Variants in DAB1 observed in about 807,000 individuals in gnomAD.
DAB1 encodes disabled homolog 1.
A neutral mutation model predicts 64.6 loss-of-function variants in DAB1; 15 were observed. The observed-to-expected ratio is 0.23, with a 90% CI of 0.16 to 0.36. The LOEUF is 0.36. Among genes scored for constraint, DAB1 ranks in the 10% least tolerant of loss-of-function variants. The probability of loss-of-function intolerance (pLI) is 1.00; values close to 1 mark genes in which losing one functional copy is unlikely to be tolerated. For missense variants in DAB1, 596 were observed against 706.7 expected (o/e 0.84, Z 1.78); for synonymous variants, 235 against 251.9 (o/e 0.93, Z 0.64).
At chr1:57,325,296 G>T (rs1172683364) in intron 1 of DAB1, among the ~76,000 whole-genome samples, 1 of 152,222 alleles carries the variant, frequency 6.6e-6, no homozygotes, top group East Asian at 1.9e-4. Context: ...CTTAGCCCGA[G>T]TTAGCCTCAA....
At chr1:57,720,244 T>C (rs557544973) in intron 6 of DAB1, among the ~76,000 whole-genome samples, 1 of 152,260 alleles carries the variant, frequency 6.6e-6, no homozygotes, top group Non-Finnish European at 1.5e-5. Flanking sequence ...TCAGTCACAC[T>C]CTCCATCCAT....
At chr1:58,019,082 C>T (rs191864142) in intron 5 of DAB1, among the ~76,000 whole-genome samples, 196 of 152,254 alleles carry the variant, frequency 1.3e-3, no homozygotes, top group Admixed American at 2.4e-3. Flanking sequence ...CCTCAGTTTC[C>T]TCATTTATAA....
chr1:57,150,266 A>G (rs1386575068), intron 2 of DAB1, among the ~76,000 whole-genome samples: 2 of 152,356 alleles, frequency 1.3e-5, no homozygotes, highest in East Asian at 3.9e-4. Flanking sequence ...CTTAATCAAC[A>G]TTGGTCATTG....
At chr1:57,587,550 C>G (rs778024244) in intron 7 of DAB1, among the ~76,000 whole-genome samples, 24 of 152,090 alleles carry the variant, frequency 1.6e-4, no homozygotes, top group Admixed American at 2.6e-4. Context: ...TGGCTTAATT[C>G]TCTCACCCCC....
intron 5 of DAB1, among the ~76,000 whole-genome samples, chr1:57,918,260 A>C (rs1644758646): frequency 6.6e-6 from 1 of 152,162 alleles, no homozygotes; most frequent in African/African-American, 2.4e-5. Context: ...TTACTGTCTT[A>C]GTCCATTTTG....
chr1:58,542,718 A>G (rs975172159), intron 1 of DAB1, among the ~76,000 whole-genome samples: 4 of 152,232 alleles, frequency 2.6e-5, no homozygotes, highest in African/African-American at 4.8e-5. Flanking sequence ...ACTGTAGTAG[A>G]TAAGCTTCAG....
chr1:57,046,557 G>A (rs897947244), intron 9 of DAB1, among the ~76,000 whole-genome samples: 3 of 152,200 alleles, frequency 2.0e-5, no homozygotes, highest in Non-Finnish European at 2.9e-5. Context: ...GAGAATGAGT[G>A]CCAGCATCAA....
intron 2 of DAB1, among the ~76,000 whole-genome samples, chr1:57,240,222 A>G (rs972050831): frequency 6.6e-6 from 1 of 152,194 alleles, no homozygotes; most frequent in Admixed American, 6.5e-5. Context: ...GACAAAATAA[A>G]CATAAGGAAA....
chr1:57,770,252 T>C (rs1002690479), intron 6 of DAB1, among the ~76,000 whole-genome samples: 2 of 152,068 alleles, frequency 1.3e-5, no homozygotes, highest in African/African-American at 4.8e-5. Context: ...AATGAGATAA[T>C]AATAAAAAAG....
intron 6 of DAB1, among the ~76,000 whole-genome samples, chr1:57,750,554 G>A (rs541237472): frequency 5.9e-5 from 9 of 152,070 alleles, no homozygotes; most frequent in African/African-American, 2.2e-4. Context: ...ATGTTAAAAG[G>A]TCTATCCCAG....
At chr1:58,071,363 G>GGTGTGTGTGTGTGTGTGTGT (rs548977353) in intron 5 of DAB1, among the ~76,000 whole-genome samples, 17 of 135,790 alleles carry the variant, frequency 1.3e-4, no homozygotes, top group African/African-American at 2.8e-4. Context: ...AAAGGAGAAT[G>GGTGTGTGTGTGTGTGTGTGT]GTGTGTGTGT....
At chr1:57,592,408 C>A (rs1388865216) in intron 7 of DAB1, among the ~76,000 whole-genome samples, 2 of 151,904 alleles carry the variant, frequency 1.3e-5, no homozygotes, top group East Asian at 3.9e-4. Context: ...TGCAGGGTGC[C>A]CCCATTTGAA....
chr1:57,227,658 G>A (rs567837870), intron 2 of DAB1, among the ~76,000 whole-genome samples: 62 of 151,978 alleles, frequency 4.1e-4, no homozygotes, highest in Non-Finnish European at 7.5e-4. Flanking sequence ...CCAGGCTCAA[G>A]CGAGCCTTCC....
chr1:58,138,067 A>G (rs1570404667), intron 5 of DAB1, among the ~76,000 whole-genome samples: 1 of 152,168 alleles, frequency 6.6e-6, no homozygotes, highest in African/African-American at 2.4e-5. Context: ...ATAATGATGA[A>G]TGTTGGCAAA....
At chr1:57,922,784 T>C (rs953297648) in intron 5 of DAB1, among the ~76,000 whole-genome samples, 1 of 132,564 alleles carries the variant, frequency 7.5e-6, no homozygotes, top group African/African-American at 2.9e-5. Context: ...AGGCAGAGCT[T>C]GCAGTGAGCC....
intron 7 of DAB1, among the ~76,000 whole-genome samples, chr1:57,615,192 G>T (rs1369970594): frequency 6.6e-6 from 1 of 152,122 alleles, no homozygotes; most frequent in East Asian, 1.9e-4. Flanking sequence ...CTTAGTAAGA[G>T]AATATTCTTC....
chr1:57,682,902 A>G (rs1016674363), intron 6 of DAB1, among the ~76,000 whole-genome samples: 6 of 152,128 alleles, frequency 3.9e-5, no homozygotes, highest in African/African-American at 7.2e-5. Context: ...CCTCCTGCCT[A>G]CTAGCCCCTC....
chr1:57,514,235 A>G (rs1479875798), intron 7 of DAB1, among the ~76,000 whole-genome samples: 1 of 152,164 alleles, frequency 6.6e-6, no homozygotes, highest in East Asian at 1.9e-4. Context: ...TGGTAGTTCA[A>G]TTTGTAATCT....
intron 11 of DAB1, among the ~76,000 whole-genome samples, chr1:57,016,653 G>A (rs899849037): frequency 2.0e-5 from 3 of 151,488 alleles, no homozygotes; most frequent in African/African-American, 7.3e-5. Flanking sequence ...ATCAGTACAG[G>A]TTACACACTG....
Sources: allele counts gnomAD v4.1 joint callset (sites outside exome capture counted in the v4.1 genomes callset), GRCh38; gene constraint gnomAD v4.1.1; transcripts MANE v1.5; gene names NCBI Gene and HGNC (gene_info 2026-07-23, HGNC 2026-07-21).